The following PATJ variants were observed in gnomAD, a reference collection of about 807,000 sequenced individuals.
PATJ encodes the protein PATJ crumbs cell polarity complex component.
Under a neutral mutation model 224.9 loss-of-function variants are expected in PATJ, and 190 were observed. The ratio of observed to expected loss-of-function variants is 0.84; its 90% CI spans 0.75 to 0.95. The LOEUF (loss-of-function observed/expected upper bound fraction) is 0.95. PATJ is among the 40% of genes least tolerant of loss of function. PATJ has a pLI of 0.00. For missense variants in PATJ, 2,121 were observed against 2,270.3 expected (o/e 0.93, Z 1.34); for synonymous variants, 769 against 820.3 (o/e 0.94, Z 1.07).
chr1:62,146,158 C>T (rs2149019344), intron 41 of PATJ, among the ~76,000 whole-genome samples: 1 of 152,088 alleles, frequency 6.6e-6, no homozygotes, highest in South Asian at 2.1e-4. Flanking sequence ...AGGCAGAAGG[C>T]ACAGCGGTTA....
At chr1:61,816,318 T>C (rs1314027683) in intron 14 of PATJ, 1 of 152,134 alleles carries the variant, frequency 6.6e-6, no homozygotes, top group Non-Finnish European at 1.5e-5. Flanking sequence ...CATTTTCCCC[T>C]TCCCATTTTT....
intron 33 of PATJ, among the ~76,000 whole-genome samples, chr1:62,091,143 G>A (rs1001557247): frequency 1.3e-5 from 2 of 151,720 alleles, no homozygotes; most frequent in African/African-American, 4.8e-5. Context: ...TGAGATCCCA[G>A]GCTGTGAATC....
At chr1:62,139,768 C>CT (rs528616392) in intron 41 of PATJ, among the ~76,000 whole-genome samples, 7 of 140,088 alleles carry the variant, frequency 5.0e-5, no homozygotes, top group East Asian at 2.1e-4. Context: ...TTTTTTTTTT[C>CT]TTTTTTTTTG....
At chr1:61,844,099 A>C (rs1661540908) in intron 17 of PATJ, among the ~76,000 whole-genome samples, 1 of 152,184 alleles carries the variant, frequency 6.6e-6, no homozygotes, top group African/African-American at 2.4e-5. Flanking sequence ...AATAAAGAGA[A>C]CAGACTTGGC....
chr1:62,022,981 C>T (rs768573319), intron 29 of PATJ, among the ~76,000 whole-genome samples: 28 of 152,218 alleles, frequency 1.8e-4, no homozygotes, highest in Non-Finnish European at 3.1e-4. Context: ...AGAAGCAACT[C>T]GGATGCCTAT....
At chr1:62,020,017 A>G (rs1381568052) in intron 29 of PATJ, among the ~76,000 whole-genome samples, 3 of 152,014 alleles carry the variant, frequency 2.0e-5, no homozygotes, top group Non-Finnish European at 4.4e-5. Context: ...AAAGAAAAAA[A>G]AATTAGCCAG....
At chr1:61,816,246 G>A (rs907920829) in intron 14 of PATJ, among the ~76,000 whole-genome samples, 2 of 152,006 alleles carry the variant, frequency 1.3e-5, no homozygotes, top group South Asian at 2.1e-4. Context: ...TACCAGGGCC[G>A]GTTCTTTGCT....
rs74727545 is a variant in PATJ at position 61,781,440 on chromosome 1, A to G, written c.849+6106A>G. 9.0e-5 allele frequency among the ~76,000 whole-genome samples: 11 copies of G among 122,242 alleles called. No homozygotes were observed. In the East Asian group the frequency reaches 2.9e-3, roughly 32 times the overall value. The allele number at this position is 122,242 out of a possible 152,430, so 80.2% of individuals were successfully genotyped here. A position where few individuals can be genotyped will look rare whatever the true frequency, so the allele number is the denominator to read the frequency against. On this transcript the variant is annotated intron_variant, in intron 7 of 43. Transcript: ENST00000642238. The stretch of plus-strand genomic sequence containing the variant: ...AGCCTGGCCCCATTTGTTGCTTATT[A>G]CCAGTCAATGTTATGCTTTCTATAA...
At chr1:61,899,217 C>A (rs755206135) in intron 22 of PATJ, among the ~76,000 whole-genome samples, 15 of 152,066 alleles carry the variant, frequency 9.9e-5, no homozygotes, top group Non-Finnish European at 4.4e-5. Flanking sequence ...ATGTTGATTT[C>A]TGTGTCTTAG....
At chr1:62,063,780 C>T (rs948493611) in intron 31 of PATJ, among the ~76,000 whole-genome samples, 1 of 152,122 alleles carries the variant, frequency 6.6e-6, no homozygotes, top group East Asian at 1.9e-4. Flanking sequence ...AATGGGATTG[C>T]ATTCCTGATT....
At chr1:61,795,604 A>G in intron 10 of PATJ, 46 bp downstream of exon 10, 1 of 1,152,368 alleles carries the variant, frequency 8.7e-7, no homozygotes, top group Non-Finnish European at 1.3e-6. Context: ...GTTGAAAAAA[A>G]GGTTGATCAT....
At chr1:62,015,367 A>T (rs1646714716) in intron 28 of PATJ, among the ~76,000 whole-genome samples, 1 of 152,170 alleles carries the variant, frequency 6.6e-6, no homozygotes, top group East Asian at 1.9e-4. Context: ...AAAATTAAAA[A>T]TCCTTTTGAT....
At chr1:61,817,135 C>T (rs947517454) in intron 14 of PATJ, among the ~76,000 whole-genome samples, 5 of 152,140 alleles carry the variant, frequency 3.3e-5, no homozygotes, top group African/African-American at 1.2e-4. Flanking sequence ...ATGGGTATTT[C>T]AGGTGAAGGC....
At chr1:61,769,185 G>C (rs1646461040) in intron 4 of PATJ, 98 bp from the exon 5 acceptor site, 1 of 1,155,770 alleles carries the variant, frequency 8.7e-7, no homozygotes, top group African/African-American at 1.6e-5. Context: ...TGGTTCTTAG[G>C]GGAAGCTGCT....
intron 6 of PATJ, among the ~76,000 whole-genome samples, chr1:61,773,660 G>A (rs907377620): frequency 4.6e-5 from 7 of 152,094 alleles, no homozygotes; most frequent in Non-Finnish European, 7.4e-5. Flanking sequence ...GGTGGTGCAT[G>A]CTTGTAATCC....
At chr1:61,988,995 C>T (rs999874291) in intron 27 of PATJ, among the ~76,000 whole-genome samples, 2 of 152,188 alleles carry the variant, frequency 1.3e-5, no homozygotes, top group South Asian at 4.1e-4. Flanking sequence ...TTGCTTCCAG[C>T]CATGGTAGTA....
Position 61,990,248 on chromosome 1 carries a change from C to T in PATJ, c.3751C>T (p.Leu1251Phe). 6.2e-7 allele frequency: 1 copy of T among 1,614,008 alleles called. No homozygotes were observed. The highest frequency in any genetic ancestry group is 8.5e-7 in the Non-Finnish European group (1 of 1,179,898). The change falls in exon 28 of 44, where the codon CTC (leucine) becomes TTC (phenylalanine). Residue 1251 changes from leucine to phenylalanine, a missense_variant. Coordinates refer to ENST00000642238, the MANE Select transcript of PATJ (RefSeq NM_001350145.3). ...TGAAAAAGATAAGAATGGACTTGGA[C>T]TCAGCCTTGCTGGTAATAAAGACCG... ...ELEKDKNGLG[L>F]SLAGNKDRSR... is the part of the protein sequence containing the mutation.
chr1:61,937,687 G>A (rs1293261106), intron 27 of PATJ, among the ~76,000 whole-genome samples: 5 of 126,354 alleles, frequency 4.0e-5, no homozygotes, highest in Non-Finnish European at 8.0e-5. Context: ...CGTTGCTCTT[G>A]TTGCCCAGGC....
chr1:61,914,194 G>T (rs913858063), intron 25 of PATJ, among the ~76,000 whole-genome samples: 2 of 152,174 alleles, frequency 1.3e-5, no homozygotes, highest in Non-Finnish European at 1.5e-5. Context: ...AGTGGCTCAC[G>T]CCTGTAATCC....
Sources: gnomAD v4.1 joint callset for allele counts (sites outside exome capture counted in the v4.1 genomes callset) on GRCh38, gnomAD v4.1.1 for gene constraint, MANE v1.5 for transcripts, NCBI Gene and HGNC (gene_info 2026-07-23, HGNC 2026-07-21) for gene names.